The following RANBP2 variants were observed in gnomAD, a reference collection of about 807,000 sequenced individuals.
RANBP2 encodes the protein RAN binding protein 2.
Under a neutral mutation model 303.6 loss-of-function variants are expected in RANBP2, and 57 were observed. The ratio of observed to expected loss-of-function variants is 0.19; its 90% CI spans 0.15 to 0.23. The LOEUF (loss-of-function observed/expected upper bound fraction) is 0.23. RANBP2 is among the 10% of genes least tolerant of loss of function. The pLI is 1.00. For missense variants in RANBP2, 3,138 were observed against 3,780.8 expected (o/e 0.83, Z 4.46); for synonymous variants, 1,167 against 1,301.5 (o/e 0.90, Z 2.23).
the RANBP2 span, among the ~76,000 whole-genome samples, chr2:109,148,338 G>A: frequency 1.1e-3 from 168 of 152,364 alleles, no homozygotes; most frequent in Non-Finnish European, 2.0e-3. Flanking sequence ...AGGCCAGAGC[G>A]CCATCCGTGG....
chr2:109,732,322 C>A, the RANBP2 span, among the ~76,000 whole-genome samples: 1 of 152,102 alleles, frequency 6.6e-6, no homozygotes, highest in Non-Finnish European at 1.5e-5. Context: ...GAACTGGTCA[C>A]CTGCTTTGTT....
the RANBP2 span, among the ~76,000 whole-genome samples, chr2:109,348,388 G>A: frequency 6.6e-6 from 1 of 152,188 alleles, no homozygotes; most frequent in African/African-American, 2.4e-5. Context: ...ATGATAGCTG[G>A]GGTCTCACAT....
At chr2:108,790,395 C>T (rs886578424), downstream of RANBP2, among the ~76,000 whole-genome samples, 12 of 151,824 alleles carry the variant, frequency 7.9e-5, no homozygotes, top group Non-Finnish European at 1.8e-4. Context: ...AACATTGGAC[C>T]CCTAGTTGTG....
chr2:109,592,201 A>T, the RANBP2 span, among the ~76,000 whole-genome samples: 7 of 151,960 alleles, frequency 4.6e-5, no homozygotes, highest in African/African-American at 1.4e-4. Flanking sequence ...GTGGTGGCTC[A>T]CGCCTGTAAT....
chr2:108,795,533 T>A, the RANBP2 span, among the ~76,000 whole-genome samples: 6 of 152,254 alleles, frequency 3.9e-5, no homozygotes, highest in African/African-American at 1.4e-4. Flanking sequence ...GCGCAGTATC[T>A]GTTTGAAATT....
chr2:109,220,821 G>A, the RANBP2 span, among the ~76,000 whole-genome samples: 1 of 152,250 alleles, frequency 6.6e-6, no homozygotes, highest in Non-Finnish European at 1.5e-5. Context: ...AAATGGTACA[G>A]CTGCTGTGCA....
At chr2:109,294,363 C>T in the RANBP2 span, among the ~76,000 whole-genome samples, 2 of 151,950 alleles carry the variant, frequency 1.3e-5, no homozygotes, top group African/African-American at 2.4e-5. Context: ...GAGCTCGAGA[C>T]CAGCTTGGTC....
At chr2:108,876,202 C>T in the RANBP2 span, 12 of 1,613,138 alleles carry the variant, frequency 7.4e-6, no homozygotes, top group Non-Finnish European at 9.3e-6. Context: ...CAACTCTGTT[C>T]AATCTGGGTT....
At chr2:109,713,745 A>G in the RANBP2 span, among the ~76,000 whole-genome samples, 2 of 152,194 alleles carry the variant, frequency 1.3e-5, no homozygotes, top group Non-Finnish European at 2.9e-5. Context: ...TCAGGCCATT[A>G]AAGGGCATCT....
chr2:109,516,921 C>T, the RANBP2 span, among the ~76,000 whole-genome samples: 1 of 152,132 alleles, frequency 6.6e-6, no homozygotes, highest in African/African-American at 2.4e-5. Flanking sequence ...GTAGGGTGGG[C>T]AGCATGGCCC....
chr2:108,841,194 G>C, the RANBP2 span, among the ~76,000 whole-genome samples: 1 of 152,170 alleles, frequency 6.6e-6, no homozygotes, highest in South Asian at 2.1e-4. Flanking sequence ...TTCTAGTTTA[G>C]TTGTATTGTT....
the RANBP2 span, among the ~76,000 whole-genome samples, chr2:109,359,775 C>T: frequency 6.6e-6 from 1 of 152,044 alleles, no homozygotes; most frequent in Non-Finnish European, 1.5e-5. Context: ...TCAGCATCCT[C>T]AAGGGAAAAA....
the RANBP2 span, among the ~76,000 whole-genome samples, chr2:109,427,984 C>T: frequency 1.3e-5 from 2 of 152,250 alleles, no homozygotes; most frequent in African/African-American, 4.8e-5. Context: ...CGCCTCTGAG[C>T]TCCTGAGCCT....
At chr2:109,650,297 G>C in the RANBP2 span, among the ~76,000 whole-genome samples, 2 of 152,204 alleles carry the variant, frequency 1.3e-5, no homozygotes, top group African/African-American at 4.8e-5. Flanking sequence ...GGAAGGTAAG[G>C]CATCCCAGAG....
At chr2:108,840,515 G>A in the RANBP2 span, among the ~76,000 whole-genome samples, 10 of 152,090 alleles carry the variant, frequency 6.6e-5, no homozygotes, top group Non-Finnish European at 2.9e-5. Context: ...TAGTTACAGG[G>A]CTGTTCTAGT....
chr2:109,381,343 A>G, the RANBP2 span, among the ~76,000 whole-genome samples: 1 of 152,204 alleles, frequency 6.6e-6, no homozygotes, highest in Non-Finnish European at 1.5e-5. Flanking sequence ...TCATATGGAC[A>G]GTGCACTTTC....
At chr2:109,574,693 G>C in the RANBP2 span, 1 of 1,609,274 alleles carries the variant, frequency 6.2e-7, no homozygotes, top group Non-Finnish European at 8.5e-7. Context: ...GGTAAAGAGA[G>C]AACGCTTAAT....
chr2:109,052,637 C>T, the RANBP2 span, among the ~76,000 whole-genome samples: 10 of 152,216 alleles, frequency 6.6e-5, no homozygotes, highest in East Asian at 5.8e-4. Flanking sequence ...CTGTTGCACA[C>T]GAGCAACAAA....
chr2:108,762,832 C>T (rs1238449710), intron 19 of RANBP2, among the ~76,000 whole-genome samples: 3 of 151,174 alleles, frequency 2.0e-5, no homozygotes, highest in Non-Finnish European at 2.9e-5. Context: ...TCATCATTAA[C>T]ATCATTTGAT....
Sources: gnomAD v4.1 joint callset for allele counts (sites outside exome capture counted in the v4.1 genomes callset) on GRCh38, gnomAD v4.1.1 for gene constraint, MANE v1.5 for transcripts, NCBI Gene and HGNC (gene_info 2026-07-23, HGNC 2026-07-21) for gene names.